APBA2: variants seen among roughly 807,000 people sequenced by gnomAD.
APBA2 encodes the protein amyloid beta precursor protein binding family A member 2, also known as amyloid-beta A4 precursor protein-binding family A member 2.
A neutral mutation model predicts 75.0 loss-of-function variants in APBA2; 30 were observed. That is an observed-to-expected ratio of 0.40 (90% confidence interval 0.30 to 0.54). The LOEUF is 0.54. Among genes scored for constraint, APBA2 ranks in the 20% least tolerant of loss-of-function variants. The probability of loss-of-function intolerance (pLI) is 0.49; values close to 1 mark genes in which losing one functional copy is unlikely to be tolerated. For synonymous variants in APBA2, 444 were observed against 409.6 expected, an observed-to-expected ratio of 1.08 and a Z score of -1.01; for missense variants, 801 against 1,016.1, an observed-to-expected ratio of 0.79 and a Z score of 2.88.
At chr15:28,946,601 C>T (rs1173713966) in intron 2 of APBA2, among the ~76,000 whole-genome samples, 2 of 151,972 alleles carry the variant, frequency 1.3e-5, no homozygotes, top group African/African-American at 4.8e-5. Flanking sequence ...TTTTTTGAGA[C>T]AGGATCTTGC....
At chr15:29,090,270 G>C (rs1414972973) in intron 6 of APBA2, among the ~76,000 whole-genome samples, 1 of 152,242 alleles carries the variant, frequency 6.6e-6, no homozygotes, top group East Asian at 1.9e-4. Flanking sequence ...GCATCCGTGG[G>C]TGCCAGTGGT....
intron 6 of APBA2, among the ~76,000 whole-genome samples, chr15:29,081,479 G>C (rs2043081040): frequency 6.6e-6 from 1 of 152,208 alleles, no homozygotes; most frequent in African/African-American, 2.4e-5. Flanking sequence ...TCTCAGAATA[G>C]TGCTTGTATC....
chr15:29,106,990 A>C (rs2044449009), intron 12 of APBA2, among the ~76,000 whole-genome samples, 171 bp downstream of exon 12: 2 of 152,096 alleles, frequency 1.3e-5, no homozygotes, highest in Non-Finnish European at 2.9e-5. Context: ...ATTTGAACTC[A>C]AGACCATTCC....
chr15:29,106,556 A>G, intron 11 of APBA2, 51 bp from the exon 12 acceptor site: 1 of 1,600,962 alleles, frequency 6.2e-7, no homozygotes, highest in Non-Finnish European at 8.5e-7. Context: ...TCCTTGGCAG[A>G]GGCCTCGGTC....
At chr15:29,036,833 A>G (rs2040777371) in intron 3 of APBA2, among the ~76,000 whole-genome samples, 1 of 152,130 alleles carries the variant, frequency 6.6e-6, no homozygotes. Context: ...CAGCCCGGGC[A>G]ACATGGTGAG....
chr15:29,032,393 G>T (rs542158303), intron 3 of APBA2, among the ~76,000 whole-genome samples: 1 of 152,204 alleles, frequency 6.6e-6, no homozygotes, highest in African/African-American at 2.4e-5. Context: ...GGGGAAGGTC[G>T]GCCCCCAGAC....
intron 6 of APBA2, among the ~76,000 whole-genome samples, chr15:29,081,316 G>A (rs562490574): frequency 2.0e-5 from 3 of 152,284 alleles, no homozygotes; most frequent in South Asian, 2.1e-4. Flanking sequence ...GGGATGTGGC[G>A]CATTCCAAAG....
intron 1 of APBA2, among the ~76,000 whole-genome samples, chr15:28,896,428 C>T (rs1482096811): frequency 3.3e-5 from 5 of 152,112 alleles, no homozygotes; most frequent in Admixed American, 6.5e-5. Flanking sequence ...TACAGGCGCC[C>T]GCCACCACCC....
In APBA2 at chr15:29,053,993, C is replaced by G. The variant is rs1167443264; in HGVS notation, c.109C>G (p.Pro37Ala). ...QEPESEDMELPLEGYVPEGLE... is the reference protein window; with the variant it reads ...QEPESEDMELALEGYVPEGLE... Reference sequence around the variant, plus strand: ...GCCCGAGAGCGAGGACATGGAGCTGCCCTTGGAGGGCTATGTGCCCGAGGG... The same window carrying G: ...GCCCGAGAGCGAGGACATGGAGCTGGCCTTGGAGGGCTATGTGCCCGAGGG... Residue 37 changes from proline to alanine, a missense_variant, in exon 4 of 15, where the codon CCC becomes GCC. Pro to Ala is a conservative substitution (Grantham distance 27). Coordinates refer to ENST00000683413, the MANE Select transcript of APBA2 (RefSeq NM_001353788.2). 5.0e-6 allele frequency: 8 copies of G among 1,613,892 alleles called. No homozygotes were observed. In the African/African-American group the frequency reaches 9.3e-5, roughly 19 times the overall value.
In APBA2 at chr15:29,054,929, G is replaced by C. The variant is rs983451639; in HGVS notation, c.951+94G>C. ...CTTGCAGATGCTGAAGCGAGGCGGT[G>C]GGGGGTGCTGGGTGCCTCACAGTTC... On this transcript the variant is annotated intron_variant, in intron 4 of 14. Transcript: ENST00000683413. This position sits in a 1 kb window ranked among gnomAD's most constrained non-coding sequence, Gnocchi z 6.1. 7.4e-6 allele frequency: 9 copies of C among 1,223,896 alleles called. No homozygotes were observed. Among genetic ancestry groups the C allele is most frequent in the Non-Finnish European group, 1.0e-5 (9 of 864,976 alleles). The allele number at this position is 1,223,896 out of a possible 1,614,324, so 75.8% of individuals were successfully genotyped here.
intron 3 of APBA2, among the ~76,000 whole-genome samples, chr15:29,016,213 C>T (rs1330915871): frequency 6.6e-6 from 1 of 152,056 alleles, no homozygotes; most frequent in African/African-American, 2.4e-5. Flanking sequence ...GCTGATATGG[C>T]GCCACTGCAC....
At chr15:29,092,549 T>C (rs2043628579) in intron 6 of APBA2, among the ~76,000 whole-genome samples, 1 of 152,038 alleles carries the variant, frequency 6.6e-6, no homozygotes, top group Non-Finnish European at 1.5e-5. Context: ...GGGCAGCAGA[T>C]GGAACAAGCA....
chr15:29,045,961 C>T (rs186113877), intron 3 of APBA2, among the ~76,000 whole-genome samples: 2 of 152,242 alleles, frequency 1.3e-5, no homozygotes, highest in African/African-American at 4.8e-5. Flanking sequence ...GCAGCTGTCC[C>T]CATATAACAG....
chr15:28,932,401 G>A (rs1014555561), intron 2 of APBA2, among the ~76,000 whole-genome samples: 3 of 152,190 alleles, frequency 2.0e-5, no homozygotes, highest in African/African-American at 7.2e-5. Context: ...GCCCCATGGT[G>A]TTTAGAGACC....
At chr15:28,963,664 A>T (rs2036589317) in intron 2 of APBA2, among the ~76,000 whole-genome samples, 1 of 152,170 alleles carries the variant, frequency 6.6e-6, no homozygotes, top group Admixed American at 6.5e-5. Context: ...ATAAATCTCA[A>T]GGAATTTGGG....
At chr15:28,912,011 A>AT (rs1188420635) in intron 1 of APBA2, among the ~76,000 whole-genome samples, 12 of 151,772 alleles carry the variant, frequency 7.9e-5, no homozygotes, top group African/African-American at 1.9e-4. Flanking sequence ...CAATGAAGTG[A>AT]TTTTTTTTCA....
chr15:29,031,664 G>T (rs1305489552), intron 3 of APBA2, among the ~76,000 whole-genome samples: 1 of 152,128 alleles, frequency 6.6e-6, no homozygotes, highest in Non-Finnish European at 1.5e-5. Flanking sequence ...GCATGTTACA[G>T]ATTGCTGATT....
chr15:28,980,821 G>T (rs891636519), intron 2 of APBA2, among the ~76,000 whole-genome samples: 3 of 152,154 alleles, frequency 2.0e-5, no homozygotes, highest in Non-Finnish European at 4.4e-5. Context: ...AACAGCATGG[G>T]ACTGATACAG....
chr15:29,089,580 T>C (rs2043456209), intron 6 of APBA2, among the ~76,000 whole-genome samples: 1 of 152,086 alleles, frequency 6.6e-6, no homozygotes, highest in Admixed American at 6.5e-5. Flanking sequence ...CCACCACCCA[T>C]GTTCAGGATA....
Sources: gnomAD v4.1 joint callset for allele counts (sites outside exome capture counted in the v4.1 genomes callset) on GRCh38, gnomAD v4.1.1 for gene constraint, Gnocchi (gnomAD v3.1) non-coding constraint, MANE v1.5 for transcripts, NCBI Gene and HGNC (gene_info 2026-07-23, HGNC 2026-07-21) for gene names.